RUVBL2: variants seen among roughly 807,000 people sequenced by gnomAD.
RUVBL2 encodes RuvB like AAA ATPase 2.
A neutral mutation model predicts 57.9 loss-of-function variants in RUVBL2; 9 were observed. The observed-to-expected ratio is 0.16, with a 90% CI of 0.09 to 0.27. The LOEUF (loss-of-function observed/expected upper bound fraction) is 0.27, where lower values mean the gene tolerates loss of function less well. Among genes scored for constraint, RUVBL2 ranks in the 10% least tolerant of loss-of-function variants. RUVBL2 has a pLI of 1.00. For synonymous variants in RUVBL2, 278 were observed against 264.6 expected, an observed-to-expected ratio of 1.05 and a Z score of -0.49; for missense variants, 456 against 669.6, an observed-to-expected ratio of 0.68 and a Z score of 3.52.
intron 11 of RUVBL2, among the ~76,000 whole-genome samples, chr19:49,013,039 C>A (rs1039370804): frequency 6.6e-6 from 1 of 152,254 alleles, no homozygotes; most frequent in East Asian, 1.9e-4. Flanking sequence ...TCTCGGCTCA[C>A]TGCAACCTCT....
intron 7 of RUVBL2, 38 bp downstream of exon 7, chr19:49,009,920 T>C: frequency 6.2e-7 from 1 of 1,612,766 alleles, no homozygotes; most frequent in Admixed American, 1.7e-5. Flanking sequence ...GCCAGGGGGA[T>C]GGGCGAGCTT....
rs1182255521 is a variant in RUVBL2 at position 49,011,445 on chromosome 19, A to G, written c.1001+135A>G. On this transcript the variant is annotated intron_variant, in intron 11 of 14. Coordinates refer to ENST00000595090, the MANE Select transcript of RUVBL2 (RefSeq NM_006666.3). This position sits in a 1 kb window ranked among gnomAD's most constrained non-coding sequence, Gnocchi z 4.4. Reference sequence around the variant, plus strand: ...ACTGCAGTGTGCGCTCTTTGCTTACAAAAGGCGGGTGGGAGGCAGCTCTGC... The same window carrying G: ...ACTGCAGTGTGCGCTCTTTGCTTACGAAAGGCGGGTGGGAGGCAGCTCTGC... 1.5e-6 allele frequency: 1 copy of G among 687,336 alleles called. No homozygotes were observed. The highest frequency in any genetic ancestry group is 2.5e-6 in the Non-Finnish European group (1 of 401,144). 42.6% of individuals were successfully genotyped at this position (687,336 alleles called of 1,614,324 possible).
At chr19:49,004,112 T>G in intron 3 of RUVBL2, 165 bp from the exon 4 acceptor site, 1 of 705,748 alleles carries the variant, frequency 1.4e-6, no homozygotes, top group Non-Finnish European at 2.1e-6. Flanking sequence ...CGAGATCTTG[T>G]CTCAAAAAAA....
chr19:49,000,992 A>C (rs1017054821), intron 2 of RUVBL2, among the ~76,000 whole-genome samples: 1 of 148,322 alleles, frequency 6.7e-6, no homozygotes, highest in Non-Finnish European at 1.5e-5. Context: ...TCCTGTCTCT[A>C]AAAAAAAAAT....
intron 2 of RUVBL2, among the ~76,000 whole-genome samples, 180 bp downstream of exon 2, chr19:48,999,553 G>C (rs2039135600): frequency 6.6e-6 from 1 of 152,138 alleles, no homozygotes; most frequent in African/African-American, 2.4e-5. Context: ...TTCCAGAGTT[G>C]GGTCAGATGA....
intron 2 of RUVBL2, among the ~76,000 whole-genome samples, chr19:48,999,611 G>A (rs899417279): frequency 2.0e-5 from 3 of 152,110 alleles, no homozygotes; most frequent in Admixed American, 6.6e-5. Flanking sequence ...TGGGGTTCCC[G>A]GGTATGTTTG....
At chr19:49,001,952 T>C (rs555014393) in intron 2 of RUVBL2, among the ~76,000 whole-genome samples, 4 of 152,076 alleles carry the variant, frequency 2.6e-5, no homozygotes, top group Non-Finnish European at 4.4e-5. Context: ...AAATCCTTCC[T>C]CTGTTGAAAC....
At chr19:49,007,820 T>C (rs1195205735) in intron 6 of RUVBL2, among the ~76,000 whole-genome samples, 1 of 152,100 alleles carries the variant, frequency 6.6e-6, no homozygotes, top group Non-Finnish European at 1.5e-5. Flanking sequence ...TTCTTCTGCC[T>C]CAGCCTTCCG....
chr19:48,999,879 C>G (rs2039143380), intron 2 of RUVBL2, among the ~76,000 whole-genome samples: 1 of 152,194 alleles, frequency 6.6e-6, no homozygotes, highest in Non-Finnish European at 1.5e-5. Context: ...TTCAGGACAG[C>G]TAAATCACTG....
chr19:48,993,510 GGA>G, upstream of RUVBL2: 1 of 430,314 alleles, frequency 2.3e-6, no homozygotes, highest in Non-Finnish European at 4.3e-6. Flanking sequence ...TGCGCTTTAC[GGA>G]AACGAGTGGC....
In RUVBL2 at chr19:49,015,048, T is replaced by C; in HGVS notation, c.1149T>C (p.Ser383=). 1.2e-6 allele frequency: 2 copies of C among 1,606,218 alleles called. No individual in the cohort carries two copies. Among genetic ancestry groups the C allele is most frequent in the Non-Finnish European group, 1.7e-6 (2 of 1,176,598 alleles). ...GCGAGGAAGAAGATGTGGAGATGAG[T>C]GAGGACGCCTACACGGTGCTGACCC... The part of the protein sequence containing the change: ...IRCEEEDVEM[S]EDAYTVLTRI... Residue 383 remains serine (S), a synonymous_variant, in exon 13 of 15, where the codon AGT becomes AGC. Transcript: ENST00000595090.
chr19:49,010,096 C>T, intron 8 of RUVBL2, 30 bp downstream of exon 8: 2 of 1,591,916 alleles, frequency 1.3e-6, no homozygotes, highest in South Asian at 1.1e-5. Flanking sequence ...GATCCCCTCG[C>T]CCCCAGCACT....
intron 1 of RUVBL2, among the ~76,000 whole-genome samples, chr19:48,996,502 CTGTGTGTGTGTGTGTGTGTGTGTG>C (rs72341497): frequency 7.2e-6 from 1 of 138,148 alleles, no homozygotes; most frequent in African/African-American, 2.8e-5. Flanking sequence ...ATTTTTGTAT[CTGTGTGTGTGTGTGTGTGTGTGTG>C]TGTGTGTGTG....
rs1207251823 is a variant in RUVBL2, at chr19:49,011,523, C to T, written c.1001+213C>T. 6.6e-6 allele frequency among the ~76,000 whole-genome samples: 1 copy of T among 152,216 alleles called. No homozygotes were observed. The highest frequency in any genetic ancestry group is 1.5e-5 in the Non-Finnish European group (1 of 68,040). ...CTTGCTGCCTTTCTGTCTTGCTGCT[C>T]CTTTAGCCCCCAAGGCTGCAGTCTT... On this transcript the variant is annotated intron_variant, in intron 11 of 14. Transcript: ENST00000595090. The surrounding 1 kb of genome is among the most constrained non-coding windows in gnomAD (Gnocchi z 4.4).
In RUVBL2 at chr19:49,007,375, CTG is replaced by C; in HGVS notation, c.462+12_462+13del. ...TCGACCAGCAACAGGGACGGTGAGT[CTG>C]TGTGAGTCTGTACCCTGCTGAGGCC... On this transcript the variant is annotated splice_region_variant and intron_variant, in intron 6 of 14. Transcript: ENST00000595090. 6.2e-7 allele frequency: 1 copy of C among 1,613,272 alleles called. No homozygotes were observed. The highest frequency in any genetic ancestry group is 1.1e-5 in the South Asian group (1 of 90,868).
chr19:49,010,364 C>T (rs937337257), intron 8 of RUVBL2, 124 bp from the exon 9 acceptor site: 3 of 1,000,566 alleles, frequency 3.0e-6, no homozygotes, highest in Middle Eastern at 2.5e-4. Flanking sequence ...CCAGATGACC[C>T]CATTTAGCCT....
chr19:48,996,362 C>T (rs2039059829), intron 1 of RUVBL2, among the ~76,000 whole-genome samples: 1 of 152,046 alleles, frequency 6.6e-6, no homozygotes, highest in Non-Finnish European at 1.5e-5. Flanking sequence ...CACTCTGTCT[C>T]CCAGGCTGGA....
intron 4 of RUVBL2, among the ~76,000 whole-genome samples, chr19:49,005,165 C>G (rs544090292): frequency 6.6e-6 from 1 of 152,280 alleles, no homozygotes; most frequent in African/African-American, 2.4e-5. Context: ...GCATCTCTGC[C>G]CCATTGAAGC....
chr19:49,006,632 A>G (rs1246075357), intron 4 of RUVBL2, among the ~76,000 whole-genome samples: 1 of 152,254 alleles, frequency 6.6e-6, no homozygotes. Flanking sequence ...GTCTGCCTTC[A>G]TCACTTGTAG....
Sources: allele counts gnomAD v4.1 joint callset (sites outside exome capture counted in the v4.1 genomes callset), GRCh38; gene constraint gnomAD v4.1.1; non-coding constraint Gnocchi (gnomAD v3.1); transcripts MANE v1.5; gene names NCBI Gene and HGNC (gene_info 2026-07-23, HGNC 2026-07-21).